ACADM: variants seen among roughly 807,000 people sequenced by gnomAD.
ACADM encodes medium-chain specific acyl-CoA dehydrogenase, mitochondrial.
ACADM carries 49 observed loss-of-function variants against 58.9 expected under a neutral mutation model. The ratio of observed to expected loss-of-function variants is 0.83; its 90% CI spans 0.66 to 1.06. The LOEUF (loss-of-function observed/expected upper bound fraction) is 1.06, where lower values mean the gene tolerates loss of function less well. ACADM is among the 50% of genes least tolerant of loss of function. ACADM has a pLI of 0.00. For synonymous variants in ACADM, 160 were observed against 157.7 expected, an observed-to-expected ratio of 1.01 and a Z score of -0.11; for missense variants, 496 against 507.0, an observed-to-expected ratio of 0.98 and a Z score of 0.21.
At position 75,737,482 on chromosome 1, in the gene ACADM, GA is replaced by G. The variant is rs542164370; in HGVS notation, c.469-2491del. The stretch of plus-strand genomic sequence containing the variant: ...CAGATGTCTAATAGCATATTTCAGG[GA>G]AAAAAATACCTTAAAGGTGGTTAAA... On this transcript the variant is annotated intron_variant, in intron 6 of 11. Coordinates refer to ENST00000370841, the MANE Select transcript of ACADM (RefSeq NM_000016.6). Among the ~76,000 whole-genome samples the G allele has an allele frequency of 5.3e-5, 8 of 151,286 alleles. No homozygotes were observed. The East Asian group carries it at 1.2e-3, about 22-fold the overall frequency.
intron 7 of ACADM, among the ~76,000 whole-genome samples, chr1:75,740,922 G>T (rs1647532001): frequency 1.3e-5 from 2 of 152,164 alleles, no homozygotes; most frequent in Admixed American, 6.5e-5. Flanking sequence ...GGTTATTTTG[G>T]AAGAATCTTG....
intron 5 of ACADM, 77 bp downstream of exon 5, chr1:75,733,705 T>TAA: frequency 7.9e-7 from 1 of 1,258,092 alleles, no homozygotes; most frequent in African/African-American, 1.5e-5. Context: ...GTTGGATTTT[T>TAA]AGAAGAAAAA....
chr1:75,740,674 G>C (rs1647518827), intron 7 of ACADM, among the ~76,000 whole-genome samples: 1 of 151,996 alleles, frequency 6.6e-6, no homozygotes, highest in South Asian at 2.1e-4. Context: ...GTTGATAAAA[G>C]ATGAGGAAAG....
chr1:75,745,067 C>A (rs546666074), intron 7 of ACADM, among the ~76,000 whole-genome samples: 1 of 152,066 alleles, frequency 6.6e-6, no homozygotes, highest in Non-Finnish European at 1.5e-5. Context: ...AATACCAAAC[C>A]CTGTATATAC....
chr1:75,754,101 T>C (rs1238737941), intron 10 of ACADM, among the ~76,000 whole-genome samples: 1 of 151,774 alleles, frequency 6.6e-6, no homozygotes, highest in Non-Finnish European at 1.5e-5. Flanking sequence ...TGGCCTAGTT[T>C]TTCATTTTTA....
chr1:75,737,286 A>ATATATATATATG (rs1343671197), intron 6 of ACADM, among the ~76,000 whole-genome samples: 3 of 64,660 alleles, frequency 4.6e-5, no homozygotes, highest in African/African-American at 2.4e-4. Flanking sequence ...ACAAATATAT[A>ATATATATATATG]TATATATATA....
chr1:75,736,567 A>G (rs1008756338), intron 6 of ACADM, among the ~76,000 whole-genome samples: 3 of 152,142 alleles, frequency 2.0e-5, no homozygotes, highest in Non-Finnish European at 4.4e-5. Flanking sequence ...CATATCCATG[A>G]GGGAATAGTT....
intron 6 of ACADM, among the ~76,000 whole-genome samples, chr1:75,737,119 A>G (rs1035839648): frequency 2.0e-5 from 3 of 151,138 alleles, no homozygotes; most frequent in Non-Finnish European, 2.9e-5. Context: ...AAAAAAAATA[A>G]ATAAAAATGA....
chr1:75,760,264 CA>C (rs764807575), intron 10 of ACADM, among the ~76,000 whole-genome samples: 1,631 of 51,192 alleles, frequency 0.032, 46 homozygotes, highest in African/African-American at 0.11. Flanking sequence ...ACTAAAAATA[CA>C]AAAAAAAAAA....
chr1:75,744,713 C>G (rs1311626124), intron 7 of ACADM: 10 of 768,772 alleles, frequency 1.3e-5, no homozygotes, highest in Non-Finnish European at 2.4e-5. Flanking sequence ...GGGCAGTTCC[C>G]CTTCTGGAAG....
intron 1 of ACADM, among the ~76,000 whole-genome samples, chr1:75,727,910 T>C (rs1056689760): frequency 6.6e-6 from 1 of 152,076 alleles, no homozygotes; most frequent in Non-Finnish European, 1.5e-5. Flanking sequence ...TAGAGTGGGG[T>C]ATCCTAAAAA....
At chr1:75,761,022 C>T in intron 10 of ACADM, 100 bp from the exon 11 acceptor site, 1 of 1,225,632 alleles carries the variant, frequency 8.2e-7, no homozygotes, top group Non-Finnish European at 1.1e-6. Flanking sequence ...GCCTGGGCAA[C>T]ATAGCAAGAC....
chr1:75,744,276 T>A, intron 7 of ACADM: 1 of 1,613,356 alleles, frequency 6.2e-7, no homozygotes, highest in Non-Finnish European at 8.5e-7. Context: ...CTGCTATAGG[T>A]TCTGCTTTTG....
intron 2 of ACADM, among the ~76,000 whole-genome samples, chr1:75,730,523 A>C (rs1207887384): frequency 6.6e-6 from 1 of 151,168 alleles, no homozygotes; most frequent in African/African-American, 2.4e-5. Flanking sequence ...ATAATACATA[A>C]TACATACTTG....
In ACADM at chr1:75,750,550, A is replaced by G; in HGVS notation, c.945+4A>G. On this transcript the variant is annotated splice_donor_region_variant and intron_variant, in intron 10 of 11. Coordinates refer to ENST00000370841, the MANE Select transcript of ACADM (RefSeq NM_000016.6). ...TTTCGGAAAGCTACTTGTAGAGGTA[A>G]TTTTAATACTGCTTGCTTTGTTCAA... is the stretch of plus-strand genomic sequence containing the variant. 1.3e-6 allele frequency: 2 copies of G among 1,575,002 alleles called. No homozygotes were observed. The highest frequency in any genetic ancestry group is 1.7e-5 in the Admixed American group (1 of 59,778).
chr1:75,760,721 C>T (rs1185086596), intron 10 of ACADM, among the ~76,000 whole-genome samples: 3 of 151,914 alleles, frequency 2.0e-5, no homozygotes, highest in African/African-American at 7.3e-5. Context: ...CTAAATTCAA[C>T]GTATAATGGT....
At chr1:75,744,597 G>T in intron 7 of ACADM, 1 of 1,255,326 alleles carries the variant, frequency 8.0e-7, no homozygotes, top group Non-Finnish European at 1.2e-6. Flanking sequence ...TTGTAGTTCT[G>T]AAGAAGCGAA....
chr1:75,749,594 TTTTA>T (rs1648088522), intron 9 of ACADM, 35 bp downstream of exon 9: 1 of 1,569,802 alleles, frequency 6.4e-7, no homozygotes, highest in Non-Finnish European at 8.7e-7. Flanking sequence ...TTATAGGATC[TTTTA>T]TTTATTACAT....
At position 75,740,023 on chromosome 1, in the gene ACADM, G is replaced by A. The variant is rs1451774462; in HGVS notation, c.512G>A (p.Gly171Asp). 6.2e-7 allele frequency: 1 copy of A among 1,612,778 alleles called. No homozygotes were observed. Among genetic ancestry groups the A allele is most frequent in the African/African-American group, 1.3e-5 (1 of 74,864 alleles). The change falls in exon 7 of 12, where the codon GGT becomes GAT. Residue 171 changes from glycine (G) to aspartate (D), a missense_variant. Physicochemically the swap from Gly to Asp is moderately conservative, Grantham distance 94. Coordinates refer to ENST00000370841, the MANE Select transcript of ACADM (RefSeq NM_000016.6). ...CCTGGAGCAGGCTCTGATGTAGCTG[G>A]TATAAAGACCAAAGCAGAAAAGAAA... ...TEPGAGSDVA[G>D]IKTKAEKKGD...
Sources: allele counts gnomAD v4.1 joint callset (sites outside exome capture counted in the v4.1 genomes callset), GRCh38; gene constraint gnomAD v4.1.1; transcripts MANE v1.5; gene names NCBI Gene and HGNC (gene_info 2026-07-23, HGNC 2026-07-21).